TRPM3: variants seen among roughly 807,000 people sequenced by gnomAD.
TRPM3 encodes the protein long transient receptor potential channel 3.
A neutral mutation model predicts 181.2 loss-of-function variants in TRPM3; 77 were observed. That is an observed-to-expected ratio of 0.42 (90% CI 0.35 to 0.51). The LOEUF is 0.51. Ranked by LOEUF, TRPM3 falls within the 20% of genes least tolerant of loss-of-function variation. The pLI, the probability that TRPM3 is intolerant of heterozygous loss-of-function variation, is 0.01. For missense variants in TRPM3, 1,759 were observed against 2,196.7 expected (o/e 0.80, Z 3.98); for synonymous variants, 745 against 796.4 (o/e 0.94, Z 1.09).
chr9:71,422,140 G>T (rs2093787231), intron 1 of TRPM3, among the ~76,000 whole-genome samples: 1 of 151,952 alleles, frequency 6.6e-6, no homozygotes, highest in Non-Finnish European at 1.5e-5. Flanking sequence ...AGGGGTCTCA[G>T]ATGAGAATTT....
chr9:70,741,171 AAAG>A (rs1441528602), intron 8 of TRPM3, among the ~76,000 whole-genome samples: 2 of 152,230 alleles, frequency 1.3e-5, no homozygotes, highest in African/African-American at 4.8e-5. Context: ...ACAATTCTCG[AAAG>A]AAGATATACA....
intron 1 of TRPM3, among the ~76,000 whole-genome samples, chr9:70,913,584 ACAAC>A (rs1292990775): frequency 1.3e-5 from 2 of 152,246 alleles, no homozygotes; most frequent in East Asian, 3.8e-4. Context: ...AAAGACAAAA[ACAAC>A]CAACAATTAT....
chr9:70,757,256 CACAT>C (rs750128659), intron 8 of TRPM3, among the ~76,000 whole-genome samples: 19 of 152,128 alleles, frequency 1.2e-4, no homozygotes, highest in Non-Finnish European at 2.5e-4. Flanking sequence ...AATTCCTGGA[CACAT>C]ACGCCCTCCC....
intron 1 of TRPM3, among the ~76,000 whole-genome samples, chr9:71,282,080 G>GAAAGAAAAA (rs1565417673): frequency 2.9e-5 from 1 of 34,072 alleles, no homozygotes; most frequent in Non-Finnish European, 6.0e-5. Flanking sequence ...AGGAAAGAAA[G>GAAAGAAAAA]GAAAGAAAGA....
chr9:70,761,815 G>A (rs2078203377), intron 7 of TRPM3, 91 bp from the exon 8 acceptor site: 2 of 1,451,782 alleles, frequency 1.4e-6, no homozygotes, highest in Admixed American at 2.3e-5. Flanking sequence ...GAAATAATGA[G>A]GGTTTACTTT....
At chr9:70,945,631 T>G (rs2096925531) in intron 1 of TRPM3, among the ~76,000 whole-genome samples, 1 of 152,212 alleles carries the variant, frequency 6.6e-6, no homozygotes, top group South Asian at 2.1e-4. Context: ...CAACATGAGA[T>G]TCCCTTCTTT....
At position 70,534,705 on chromosome 9, in the gene TRPM3, T is replaced by A. The variant is rs534703886; in HGVS notation, c.*1248A>T. Reference sequence around the variant, plus strand: ...ACTCCCAGTCAAATCTAAGGTTATTTATAGTTTTGAAACTTCCTTAAAAAG... The same window carrying A: ...ACTCCCAGTCAAATCTAAGGTTATTAATAGTTTTGAAACTTCCTTAAAAAG... On this transcript the variant is annotated 3_prime_UTR_variant, in exon 26 of 26. Transcript: ENST00000677713. The A allele has an allele frequency of 6.6e-6, 1 of 152,370 alleles. No individual in the cohort carries two copies. The highest frequency in any genetic ancestry group is 2.1e-4 in the South Asian group (1 of 4,830). 9.4% of individuals were successfully genotyped at this position (152,370 alleles called of 1,614,324 possible). A position where few individuals can be genotyped will look rare whatever the true frequency, so the allele number is the denominator to read the frequency against.
intron 6 of TRPM3, among the ~76,000 whole-genome samples, chr9:70,808,882 T>A (rs2091275172): frequency 6.6e-6 from 1 of 152,186 alleles, no homozygotes; most frequent in Non-Finnish European, 1.5e-5. Flanking sequence ...CAGAAGGAAA[T>A]AAGATGTTCT....
intron 1 of TRPM3, among the ~76,000 whole-genome samples, chr9:70,876,698 A>C (rs2132635979): frequency 6.6e-6 from 1 of 152,032 alleles, no homozygotes; most frequent in African/African-American, 2.4e-5. Context: ...TTGTTGCCAG[A>C]ATGAATTTCT....
chr9:71,297,620 GAA>G (rs1236047796), intron 1 of TRPM3, among the ~76,000 whole-genome samples: 2 of 152,154 alleles, frequency 1.3e-5, no homozygotes, highest in Non-Finnish European at 2.9e-5. Flanking sequence ...TAGCATAGGA[GAA>G]ACTGCTCCCA....
chr9:71,139,776 G>T (rs755686007), intron 1 of TRPM3, among the ~76,000 whole-genome samples: 1 of 152,096 alleles, frequency 6.6e-6, no homozygotes, highest in Non-Finnish European at 1.5e-5. Context: ...CTCTTAGTTG[G>T]CTACCTAACT....
At chr9:71,042,780 T>C (rs1373850286) in intron 1 of TRPM3, among the ~76,000 whole-genome samples, 1 of 152,178 alleles carries the variant, frequency 6.6e-6, no homozygotes, top group Non-Finnish European at 1.5e-5. Flanking sequence ...GCAGAGTCCT[T>C]AAAAGGTTTT....
At chr9:71,369,210 A>G (rs1446641962) in intron 1 of TRPM3, among the ~76,000 whole-genome samples, 1 of 152,186 alleles carries the variant, frequency 6.6e-6, no homozygotes. Context: ...TAAACAATGA[A>G]ATGTGTTTAT....
At chr9:71,256,743 G>A (rs1224657799) in intron 1 of TRPM3, among the ~76,000 whole-genome samples, 1 of 152,076 alleles carries the variant, frequency 6.6e-6, no homozygotes, top group Non-Finnish European at 1.5e-5. Context: ...CAGATGCCAC[G>A]TATGAGGCTA....
At chr9:70,661,317 C>G (rs1589938105) in intron 9 of TRPM3, among the ~76,000 whole-genome samples, 2 of 152,038 alleles carry the variant, frequency 1.3e-5, no homozygotes, top group African/African-American at 4.8e-5. Context: ...ATCTGACAAA[C>G]CCACAGCCAA....
intron 1 of TRPM3, among the ~76,000 whole-genome samples, chr9:71,265,807 G>A (rs1315381880): frequency 6.6e-6 from 1 of 152,124 alleles, no homozygotes; most frequent in Non-Finnish European, 1.5e-5. Context: ...TTAGACTACT[G>A]TCATCACCTC....
chr9:71,401,783 A>G (rs2093345272), intron 1 of TRPM3, among the ~76,000 whole-genome samples: 1 of 152,174 alleles, frequency 6.6e-6, no homozygotes, highest in Non-Finnish European at 1.5e-5. Context: ...TTGCCATTTC[A>G]AAGGACATCA....
chr9:70,828,539 C>G (rs2093692029), intron 5 of TRPM3, among the ~76,000 whole-genome samples: 1 of 151,924 alleles, frequency 6.6e-6, no homozygotes, highest in African/African-American at 2.4e-5. Context: ...TACTAGATAC[C>G]TTATTTAGGT....
chr9:71,182,158 A>T (rs1279149599), intron 1 of TRPM3, among the ~76,000 whole-genome samples: 1 of 151,946 alleles, frequency 6.6e-6, no homozygotes, highest in Admixed American at 6.6e-5. Context: ...TATATGATGC[A>T]TTTTTTTTCT....
Sources: allele counts gnomAD v4.1 joint callset (sites outside exome capture counted in the v4.1 genomes callset), GRCh38; gene constraint gnomAD v4.1.1; transcripts MANE v1.5; gene names NCBI Gene and HGNC (gene_info 2026-07-23, HGNC 2026-07-21).